The following ARPP21 variants were observed in gnomAD, a reference collection of about 807,000 sequenced individuals.
ARPP21 encodes the protein cAMP regulated phosphoprotein 21.
In ARPP21, 69 loss-of-function variants were observed where a neutral mutation model predicts 113.2. The observed-to-expected ratio is 0.61, with a 90% CI of 0.50 to 0.74. ARPP21 has a LOEUF of 0.74. ARPP21 is among the 30% of genes least tolerant of loss of function. The pLI, the probability that ARPP21 is intolerant of heterozygous loss-of-function variation, is 0.00. For synonymous variants in ARPP21, 368 were observed against 375.5 expected (o/e 0.98, Z 0.23); for missense variants, 1,070 against 1,037.4 (o/e 1.03, Z -0.43).
intron 1 of ARPP21, among the ~76,000 whole-genome samples, chr3:35,662,087 A>G (rs1230130343): frequency 6.6e-6 from 1 of 152,182 alleles, no homozygotes; most frequent in Non-Finnish European, 1.5e-5. Context: ...TTAAAGGTCA[A>G]AATAGGATGA....
At chr3:35,674,166 A>G (rs1264085639) in intron 1 of ARPP21, among the ~76,000 whole-genome samples, 2 of 151,998 alleles carry the variant, frequency 1.3e-5, no homozygotes, top group African/African-American at 4.8e-5. Context: ...TGCCCAAACA[A>G]GAGTATCATC....
At chr3:35,642,692 C>T (rs895797986) in intron 1 of ARPP21, among the ~76,000 whole-genome samples, 8 of 151,978 alleles carry the variant, frequency 5.3e-5, no homozygotes, top group East Asian at 3.9e-4. Context: ...AAATATTGTT[C>T]GGTGAAAGGT....
chr3:35,718,395 T>G (rs1431370695), intron 13 of ARPP21, among the ~76,000 whole-genome samples: 1 of 152,180 alleles, frequency 6.6e-6, no homozygotes, highest in African/African-American at 2.4e-5. Flanking sequence ...ACTTTGCACT[T>G]CTTTTGAAAA....
intron 9 of ARPP21, among the ~76,000 whole-genome samples, chr3:35,697,846 A>G (rs1175933242): frequency 6.6e-6 from 1 of 151,684 alleles, no homozygotes; most frequent in Non-Finnish European, 1.5e-5. Context: ...TATTATATTT[A>G]TCTTCCTTTG....
intron 11 of ARPP21, 159 bp from the exon 12 acceptor site, chr3:35,715,280 C>A: frequency 3.2e-6 from 2 of 619,836 alleles, no homozygotes; most frequent in South Asian, 2.1e-5. Context: ...TTTTCTAATC[C>A]TAACCAACCT....
At chr3:35,712,184 T>C (rs1025449180) in intron 11 of ARPP21, among the ~76,000 whole-genome samples, 1 of 152,224 alleles carries the variant, frequency 6.6e-6, no homozygotes, top group African/African-American at 2.4e-5. Context: ...TACAGTATAT[T>C]AAATCAATTA....
chr3:35,739,152 C>T (rs1487388761), intron 17 of ARPP21, among the ~76,000 whole-genome samples, 165 bp from the exon 18 acceptor site: 1 of 152,206 alleles, frequency 6.6e-6, no homozygotes, highest in Non-Finnish European at 1.5e-5. Context: ...ATGTTGTGTT[C>T]TCTTGTTATG....
In ARPP21 at chr3:35,793,916, C is replaced by T. The variant is rs577917589; in HGVS notation, c.2502C>T (p.Asn834=). ...TGATGTCAGCTAGCTGCAGAACAAA[C>T]TGTGCAAGTATGAGCAATGCTGGTT... ...VPVMSASCRT[N]CASMSNAGWQ... Residue 834 remains asparagine, a synonymous_variant, in exon 21 of 21, where the codon AAC becomes AAT. Transcript: ENST00000684406. The T allele has an allele frequency of 1.2e-6, 2 of 1,614,124 alleles. No individual in the cohort carries two copies. Among genetic ancestry groups the T allele is most frequent in the African/African-American group, 2.7e-5 (2 of 75,056 alleles).
At chr3:35,653,156 T>A (rs1217949007) in intron 1 of ARPP21, among the ~76,000 whole-genome samples, 1 of 152,070 alleles carries the variant, frequency 6.6e-6, no homozygotes, top group Non-Finnish European at 1.5e-5. Flanking sequence ...CCCTCCTGTG[T>A]GAAAGGGACT....
Position 35,738,415 on chromosome 3 carries a change from G to A in ARPP21, c.1749+97G>A, listed in dbSNP as rs945971689. 4 of 960,238 alleles carry A rather than the reference G, an allele frequency of 4.2e-6. No individual in the cohort carries two copies. The African/African-American group carries it at 6.5e-5, about 16-fold the overall frequency. 59.5% of individuals were successfully genotyped at this position (960,238 alleles called of 1,614,324 possible). ...GCCACTGGCTGACACTGGGGTGGGT[G>A]CCCTGGGCTGACTGTGAGGGGGTAT... On this transcript the variant is annotated intron_variant, in intron 17 of 20. Transcript: ENST00000684406.
intron 1 of ARPP21, chr3:35,640,931 G>C (rs1182200871): frequency 6.6e-6 from 1 of 152,198 alleles, no homozygotes; most frequent in Non-Finnish European, 1.5e-5. Context: ...CAGGTGTTTA[G>C]AAAGTTTCTT....
At position 35,738,303 on chromosome 3, in the gene ARPP21, G is replaced by A. The variant is rs982158040; in HGVS notation, c.1734G>A (p.Thr578=). The A allele has an allele frequency of 9.8e-6, 15 of 1,532,090 alleles. No homozygotes were observed. In the Middle Eastern group the frequency reaches 5.0e-4, roughly 51 times the overall value. 94.9% of individuals were successfully genotyped at this position (1,532,090 alleles called of 1,614,324 possible). Residue 578 remains threonine, a synonymous_variant, in exon 17 of 21, where the codon ACG becomes ACA. Coordinates refer to ENST00000684406, the MANE Select transcript of ARPP21 (RefSeq NM_001385562.1). ...AGCACCTCCTACCTGTGTCTCCAAC[G>A]CAGCACTTTCCCATGGTACTGTATT... ...PPQHLLPVSP[T]QHFPMRDDVA...
At position 35,782,659 on chromosome 3, in the gene ARPP21, T is replaced by C. The variant is rs144014968; in HGVS notation, c.2138-9723T>C. ...CAGCCTTCTTGGTTGTATGCAACCGTTGATGTTGAATGTGCTATGAATTAT... is the reference window on the plus strand; with the variant it reads ...CAGCCTTCTTGGTTGTATGCAACCGCTGATGTTGAATGTGCTATGAATTAT... On this transcript the variant is annotated intron_variant, in intron 19 of 20. Coordinates refer to ENST00000684406, the MANE Select transcript of ARPP21 (RefSeq NM_001385562.1). 8.7e-4 allele frequency among the ~76,000 whole-genome samples: 132 copies of C among 152,250 alleles called. 1 individual carries two copies. In the Middle Eastern group the frequency reaches 0.024, roughly 27 times the overall value.
intron 19 of ARPP21, 116 bp downstream of exon 19, chr3:35,744,081 C>A: frequency 2.8e-6 from 3 of 1,083,338 alleles, no homozygotes; most frequent in East Asian, 2.4e-5. Context: ...TTTTCTCTAC[C>A]CAGAGAAGAT....
chr3:35,715,352 G>A (rs1265815026), intron 11 of ARPP21, 87 bp from the exon 12 acceptor site: 1 of 1,062,024 alleles, frequency 9.4e-7, no homozygotes, highest in Non-Finnish European at 1.4e-6. Flanking sequence ...CCTATGAGGG[G>A]AAAGTTAGTT....
intron 15 of ARPP21, among the ~76,000 whole-genome samples, chr3:35,733,612 A>G (rs2094146707): frequency 6.6e-6 from 1 of 152,138 alleles, no homozygotes; most frequent in South Asian, 2.1e-4. Flanking sequence ...TTGCATCTGG[A>G]TTGGTAGAAA....
upstream of ARPP21, among the ~76,000 whole-genome samples, chr3:35,639,410 G>A (rs968814682): frequency 2.6e-5 from 4 of 152,116 alleles, no homozygotes; most frequent in African/African-American, 7.2e-5. The surrounding 1 kb of genome is among the most constrained non-coding windows in gnomAD (Gnocchi z 5.0). Context: ...TGCAACACGC[G>A]CGTTGCCCTC....
chr3:35,697,345 A>G (rs776985609), intron 9 of ARPP21, among the ~76,000 whole-genome samples: 3 of 151,610 alleles, frequency 2.0e-5, no homozygotes, highest in Non-Finnish European at 4.4e-5. Flanking sequence ...CTATACCTTA[A>G]GTGCCCAAGG....
intron 19 of ARPP21, among the ~76,000 whole-genome samples, chr3:35,776,587 C>A (rs377432253): frequency 2.0e-5 from 3 of 152,220 alleles, no homozygotes; most frequent in South Asian, 4.1e-4. Flanking sequence ...AAAGACAGTT[C>A]TCCTTTGATG....
Sources: gnomAD v4.1 joint callset for allele counts (sites outside exome capture counted in the v4.1 genomes callset) on GRCh38, gnomAD v4.1.1 for gene constraint, Gnocchi (gnomAD v3.1) non-coding constraint, MANE v1.5 for transcripts, NCBI Gene and HGNC (gene_info 2026-07-23, HGNC 2026-07-21) for gene names.